The following PLCXD3 variants were observed in gnomAD, a reference collection of about 807,000 sequenced individuals.
PLCXD3 encodes the protein PI-PLC X domain-containing protein 3.
Under a neutral mutation model 25.5 loss-of-function variants are expected in PLCXD3, and 19 were observed. The ratio of observed to expected loss-of-function variants is 0.75; its 90% CI spans 0.52 to 1.09. The LOEUF is 1.09. Among genes scored for constraint, PLCXD3 ranks in the 50% least tolerant of loss-of-function variants. The pLI, the probability that PLCXD3 is intolerant of heterozygous loss-of-function variation, is 0.00. For synonymous variants in PLCXD3, 174 were observed against 137.6 expected (o/e 1.26, Z -1.85); for missense variants, 411 against 388.1 (o/e 1.06, Z -0.50).
At chr5:41,318,547 A>G (rs1297622747) in intron 2 of PLCXD3, among the ~76,000 whole-genome samples, 1 of 152,204 alleles carries the variant, frequency 6.6e-6, no homozygotes, top group Non-Finnish European at 1.5e-5. Flanking sequence ...GACTTATAAG[A>G]TGGTATTTGC....
intron 1 of PLCXD3, among the ~76,000 whole-genome samples, chr5:41,428,395 T>G (rs1326932474): frequency 1.4e-5 from 2 of 145,472 alleles, no homozygotes; most frequent in Admixed American, 6.9e-5. Flanking sequence ...TTTGTTTTTG[T>G]TTTTTTTAGG....
intron 2 of PLCXD3, among the ~76,000 whole-genome samples, chr5:41,350,779 G>T (rs1237668815): frequency 2.0e-5 from 3 of 152,270 alleles, no homozygotes; most frequent in Admixed American, 1.3e-4. Flanking sequence ...TTCCCAGGAA[G>T]TTACCTCTTA....
Position 41,310,472 on chromosome 5 carries a change from G to A in PLCXD3, c.*3145C>T, listed in dbSNP as rs1440840981. ...CAAGTAAAACAAAAAGTGCACCAAG[G>A]TGTATCTACCACCATCTTGGCGCCC... On this transcript the variant is annotated 3_prime_UTR_variant, in exon 3 of 3. Transcript: ENST00000377801. 2 of 152,296 alleles carry A rather than the reference G, an allele frequency of 1.3e-5. No homozygotes were observed. The highest frequency in any genetic ancestry group is 4.8e-5 in the African/African-American group (2 of 41,426). 9.4% of individuals were successfully genotyped at this position (152,296 alleles called of 1,614,324 possible).
intron 2 of PLCXD3, among the ~76,000 whole-genome samples, chr5:41,353,183 C>A (rs1744520950): frequency 1.3e-5 from 2 of 151,572 alleles, no homozygotes; most frequent in African/African-American, 2.4e-5. Flanking sequence ...AGCTCCACCT[C>A]CCGGGTTCAT....
intron 2 of PLCXD3, among the ~76,000 whole-genome samples, chr5:41,317,916 A>T (rs77809894): frequency 0.012 from 1,836 of 152,250 alleles, 46 homozygotes; most frequent in African/African-American, 0.043. Context: ...GCCTTAAATA[A>T]GTAGAAAAGA....
intron 2 of PLCXD3, among the ~76,000 whole-genome samples, chr5:41,357,290 T>C (rs929641196): frequency 1.3e-5 from 2 of 152,220 alleles, no homozygotes; most frequent in Non-Finnish European, 1.5e-5. Flanking sequence ...AATATAGCTG[T>C]CAAAAATACT....
chr5:41,428,128 C>G (rs1747005394), intron 1 of PLCXD3, among the ~76,000 whole-genome samples: 2 of 152,124 alleles, frequency 1.3e-5, no homozygotes, highest in African/African-American at 4.8e-5. Context: ...ACACCTTGTA[C>G]CCCAACTATC....
chr5:41,473,707 C>T (rs561621225), intron 1 of PLCXD3, among the ~76,000 whole-genome samples: 49 of 152,216 alleles, frequency 3.2e-4, no homozygotes, highest in Non-Finnish European at 3.8e-4. Flanking sequence ...CTGCTGGCCT[C>T]GGCCTCCCAA....
chr5:41,506,078 A>G (rs1477268371), intron 1 of PLCXD3, among the ~76,000 whole-genome samples: 1 of 152,220 alleles, frequency 6.6e-6, no homozygotes, highest in African/African-American at 2.4e-5. Flanking sequence ...AATTAAATAG[A>G]TCTGATGTGT....
intron 1 of PLCXD3, among the ~76,000 whole-genome samples, chr5:41,392,371 C>G (rs561100541): frequency 6.6e-6 from 1 of 151,954 alleles, no homozygotes; most frequent in African/African-American, 2.4e-5. Flanking sequence ...GAGAGAGACT[C>G]TGTATATTTG....
chr5:41,454,804 A>ATTT (rs1394701048), intron 1 of PLCXD3, among the ~76,000 whole-genome samples: 2 of 151,950 alleles, frequency 1.3e-5, no homozygotes, highest in South Asian at 4.1e-4. Context: ...AACCAATTGT[A>ATTT]TTAGTCTGTT....
chr5:41,466,063 G>T (rs1418358329), intron 1 of PLCXD3, among the ~76,000 whole-genome samples: 1 of 151,898 alleles, frequency 6.6e-6, no homozygotes, highest in African/African-American at 2.4e-5. Flanking sequence ...AACCAACAGT[G>T]GAAAAAAGTA....
At chr5:41,353,920 A>G (rs1225424204) in intron 2 of PLCXD3, among the ~76,000 whole-genome samples, 1 of 152,192 alleles carries the variant, frequency 6.6e-6, no homozygotes, top group African/African-American at 2.4e-5. Flanking sequence ...ACTTCTCTAG[A>G]TAAGAACTGT....
At chr5:41,458,376 A>T (rs549765655) in intron 1 of PLCXD3, among the ~76,000 whole-genome samples, 1 of 151,982 alleles carries the variant, frequency 6.6e-6, no homozygotes, top group Non-Finnish European at 1.5e-5. Context: ...AGAATTAGTG[A>T]AAATGTAATT....
chr5:41,380,860 A>G lies in PLCXD3; in HGVS notation c.812+966T>C, dbSNP rs114606505. 5.3e-3 allele frequency among the ~76,000 whole-genome samples: 813 copies of G among 152,286 alleles called. 6 individuals are homozygous for G. The highest frequency in any genetic ancestry group is 0.018 in the African/African-American group (763 of 41,582). Reference sequence around the variant, plus strand: ...AAAGAATAAATAATATGTACAATTCAGTATGTTGTGTCACACTCGCAGGAA... The same window carrying G: ...AAAGAATAAATAATATGTACAATTCGGTATGTTGTGTCACACTCGCAGGAA... On this transcript the variant is annotated intron_variant, in intron 2 of 2. Coordinates refer to ENST00000377801, the MANE Select transcript of PLCXD3 (RefSeq NM_001005473.3).
intron 2 of PLCXD3, among the ~76,000 whole-genome samples, chr5:41,324,110 C>G (rs1369747524): frequency 1.3e-5 from 2 of 151,968 alleles, no homozygotes; most frequent in African/African-American, 2.4e-5. Flanking sequence ...AAATCAGAAG[C>G]ATTTAAGGGA....
intron 1 of PLCXD3, among the ~76,000 whole-genome samples, chr5:41,466,242 T>C (rs897245972): frequency 1.3e-5 from 2 of 152,078 alleles, no homozygotes; most frequent in Non-Finnish European, 2.9e-5. Flanking sequence ...TTCAAATATG[T>C]AAGAAAATTG....
intron 1 of PLCXD3, among the ~76,000 whole-genome samples, chr5:41,399,828 G>A (rs1746123922): frequency 6.6e-6 from 1 of 152,066 alleles, no homozygotes; most frequent in African/African-American, 2.4e-5. Context: ...AGCAACCAAA[G>A]CAAACATGGA....
intron 2 of PLCXD3, among the ~76,000 whole-genome samples, chr5:41,339,973 G>A (rs1744092626): frequency 6.6e-6 from 1 of 152,148 alleles, no homozygotes; most frequent in East Asian, 1.9e-4. Flanking sequence ...AGGGCCAGAG[G>A]AGCCTTCAGT....
Sources: allele counts gnomAD v4.1 joint callset (sites outside exome capture counted in the v4.1 genomes callset), GRCh38; gene constraint gnomAD v4.1.1; transcripts MANE v1.5; gene names NCBI Gene and HGNC (gene_info 2026-07-23, HGNC 2026-07-21).